NXPE2: variants seen among roughly 807,000 people sequenced by gnomAD.
The protein encoded by NXPE2 is NXPE family member 2.
NXPE2 carries 34 observed loss-of-function variants against 34.4 expected under a neutral mutation model. The ratio of observed to expected loss-of-function variants is 0.99; its 90% CI spans 0.75 to 1.31. The LOEUF is 1.31. NXPE2 is among the 40% of genes most tolerant of loss of function. The pLI is 0.00. For missense variants in NXPE2, 649 were observed against 672.5 expected (o/e 0.97, Z 0.39); for synonymous variants, 235 against 231.3 (o/e 1.02, Z -0.15).
chr11:114,780,807 C>G, the NXPE2 span, among the ~76,000 whole-genome samples: 1 of 152,148 alleles, frequency 6.6e-6, no homozygotes, highest in South Asian at 2.1e-4. Flanking sequence ...AAGTTCCAGA[C>G]AGAAGGAGCC....
the NXPE2 span, among the ~76,000 whole-genome samples, chr11:114,723,995 T>C: frequency 2.6e-5 from 4 of 152,152 alleles, no homozygotes; most frequent in Non-Finnish European, 5.9e-5. Context: ...ATAACATAAA[T>C]ATCCTCTTCT....
chr11:114,594,711 T>C, the NXPE2 span: 1 of 1,603,542 alleles, frequency 6.2e-7, no homozygotes, highest in Admixed American at 1.7e-5. Flanking sequence ...GAGGCTAATA[T>C]AAACAACAGT....
chr11:114,642,444 C>A, the NXPE2 span, among the ~76,000 whole-genome samples: 1 of 152,006 alleles, frequency 6.6e-6, no homozygotes, highest in African/African-American at 2.4e-5. Context: ...CCCCGACAGG[C>A]CCAGGTGTGT....
the NXPE2 span, among the ~76,000 whole-genome samples, chr11:114,511,099 T>C: frequency 6.6e-6 from 1 of 152,164 alleles, no homozygotes; most frequent in Admixed American, 6.5e-5. Context: ...TTGTAAACAT[T>C]GTTGGCGACC....
the NXPE2 span, among the ~76,000 whole-genome samples, chr11:114,501,046 C>T: frequency 1.7e-4 from 26 of 152,286 alleles, no homozygotes; most frequent in African/African-American, 5.5e-4. Context: ...ACATCTTTAA[C>T]GACAACTCTA....
the NXPE2 span, among the ~76,000 whole-genome samples, chr11:114,787,883 A>T: frequency 6.6e-6 from 1 of 151,906 alleles, no homozygotes; most frequent in Non-Finnish European, 1.5e-5. Flanking sequence ...GTTGCCTGGG[A>T]CCTCTTTTCT....
chr11:114,524,479 G>GTGCACTTGGAATAGCTCT, the NXPE2 span, among the ~76,000 whole-genome samples: 23 of 152,172 alleles, frequency 1.5e-4, no homozygotes, highest in Admixed American at 1.5e-3. Flanking sequence ...GAATTGGAAA[G>GTGCACTTGGAATAGCTCT]TGCACTTGGA....
At chr11:114,628,677 G>A in the NXPE2 span, among the ~76,000 whole-genome samples, 7 of 85,882 alleles carry the variant, frequency 8.2e-5, no homozygotes, top group African/African-American at 3.3e-4. Flanking sequence ...AATCAGAGCA[G>A]AACTGAAGGA....
At chr11:114,757,258 C>T in the NXPE2 span, among the ~76,000 whole-genome samples, 1 of 151,638 alleles carries the variant, frequency 6.6e-6, no homozygotes, top group Non-Finnish European at 1.5e-5. Flanking sequence ...AAGTGAAAAA[C>T]ATCTCCCTCC....
At chr11:114,653,518 C>A in the NXPE2 span, among the ~76,000 whole-genome samples, 5 of 148,936 alleles carry the variant, frequency 3.4e-5, no homozygotes, top group African/African-American at 1.2e-4. Flanking sequence ...TAGGACTACC[C>A]TTGTCCTGCT....
At chr11:114,538,126 A>T in the NXPE2 span, among the ~76,000 whole-genome samples, 2 of 152,196 alleles carry the variant, frequency 1.3e-5, no homozygotes, top group Non-Finnish European at 2.9e-5. Context: ...ATAATGCCAC[A>T]TATCTACAAC....
the NXPE2 span, among the ~76,000 whole-genome samples, chr11:114,476,973 C>T: frequency 2.5e-4 from 38 of 152,206 alleles, no homozygotes; most frequent in Non-Finnish European, 4.6e-4. Context: ...CCATATGACT[C>T]TATCATTCCA....
the NXPE2 span, among the ~76,000 whole-genome samples, chr11:114,615,539 G>A: frequency 4.6e-5 from 7 of 151,396 alleles, no homozygotes; most frequent in Admixed American, 2.6e-4. Flanking sequence ...ACTGTTACCC[G>A]GTGGATAATA....
upstream of NXPE2, among the ~76,000 whole-genome samples, chr11:114,676,052 G>A (rs997275043): frequency 1.3e-5 from 2 of 151,862 alleles, no homozygotes; most frequent in Non-Finnish European, 2.9e-5. Flanking sequence ...TCCACATGTG[G>A]AAGAATGAAA....
chr11:114,741,122 T>G, the NXPE2 span, among the ~76,000 whole-genome samples: 1 of 152,212 alleles, frequency 6.6e-6, no homozygotes, highest in Non-Finnish European at 1.5e-5. Flanking sequence ...TTTCTATTTT[T>G]TCTTTCAACA....
the NXPE2 span, among the ~76,000 whole-genome samples, chr11:114,783,139 A>C: frequency 6.6e-6 from 1 of 152,204 alleles, no homozygotes; most frequent in African/African-American, 2.4e-5. Context: ...AGTCGATCTG[A>C]AGCCACCTGC....
At chr11:114,718,778 G>A in the NXPE2 span, among the ~76,000 whole-genome samples, 6 of 152,164 alleles carry the variant, frequency 3.9e-5, no homozygotes, top group Non-Finnish European at 8.8e-5. Context: ...GGCAGAGAGA[G>A]GGAGGAGACC....
chr11:114,762,365 G>A, the NXPE2 span, among the ~76,000 whole-genome samples: 357 of 152,270 alleles, frequency 2.3e-3, 2 homozygotes, highest in African/African-American at 8.3e-3. Context: ...AGGAACATCC[G>A]TGCACATATC....
chr11:114,669,201 G>A, the NXPE2 span, among the ~76,000 whole-genome samples: 1 of 152,024 alleles, frequency 6.6e-6, no homozygotes, highest in Admixed American at 6.6e-5. Flanking sequence ...AACAAACAAT[G>A]ATTTAAAGTC....
Sources: gnomAD v4.1 joint callset for allele counts (sites outside exome capture counted in the v4.1 genomes callset) on GRCh38, gnomAD v4.1.1 for gene constraint, MANE v1.5 for transcripts, NCBI Gene and HGNC (gene_info 2026-07-23, HGNC 2026-07-21) for gene names.